The following RGMB variants were observed in gnomAD, a reference collection of about 807,000 sequenced individuals.
The protein encoded by RGMB is repulsive guidance molecule B.
RGMB carries 16 observed loss-of-function variants against 26.9 expected under a neutral mutation model. That is an observed-to-expected ratio of 0.60 (90% CI 0.40 to 0.90). The LOEUF is 0.90. Among genes scored for constraint, RGMB ranks in the 40% least tolerant of loss-of-function variants. The probability of loss-of-function intolerance (pLI) is 0.00; values close to 1 mark genes in which losing one functional copy is unlikely to be tolerated. For missense variants in RGMB, 512 were observed against 573.3 expected (o/e 0.89, Z 1.09); for synonymous variants, 225 against 229.3 (o/e 0.98, Z 0.17).
chr5:98,780,072 C>A lies in RGMB; in HGVS notation c.629C>A (p.Ala210Asp). The A allele has an allele frequency of 6.2e-7, 1 of 1,610,942 alleles. No homozygotes were observed. Among genetic ancestry groups the A allele is most frequent in the South Asian group, 1.1e-5 (1 of 90,972 alleles). Residue 210 changes from alanine (A) to aspartate (D), a missense_variant, in exon 2 of 3, where the codon GCT becomes GAT. Transcript: ENST00000513185. ...TNVPVVPGSS[A>D]TATNKITIIF... ...GTACCTGTGGTCCCTGGATCCAGTGCTACTGCTACAAATAAGGCAAGTATA... is the reference window on the plus strand; with the variant it reads ...GTACCTGTGGTCCCTGGATCCAGTGATACTGCTACAAATAAGGCAAGTATA...
chr5:98,777,989 C>A (rs974703269), intron 1 of RGMB, among the ~76,000 whole-genome samples: 2 of 152,168 alleles, frequency 1.3e-5, no homozygotes, highest in Admixed American at 1.3e-4. Context: ...TCTTCCCTCC[C>A]ATCATCTCTG....
Position 98,793,441 on chromosome 5 carries a change from A to T in RGMB, c.1002A>T (p.Gly334=), listed in dbSNP as rs775125485. The T allele has an allele frequency of 6.2e-7, 1 of 1,612,400 alleles. No homozygotes were observed. The highest frequency in any genetic ancestry group is 1.7e-4 in the Middle Eastern group (1 of 6,058). Residue 334 remains glycine (G), a synonymous_variant, in exon 3 of 3, where the codon GGA becomes GGT. Transcript: ENST00000513185. ...AGGGCCAGGTGTCTGCCATCCTGGG[A>T]CACAGCCTGCCTCGCACCTCCTTGG... ...DGQGQVSAIL[G]HSLPRTSLVQ...
chr5:98,796,350 C>G lies in RGMB; in HGVS notation c.*2597C>G, dbSNP rs1339173707. On this transcript the variant is annotated 3_prime_UTR_variant, in exon 3 of 3. Coordinates refer to ENST00000513185, the MANE Select transcript of RGMB (RefSeq NM_001366508.1). ...TGCTTGGAAGCTCCCCCCCCCCCAA[C>G]AGTGTGTCGAGTCTTTGCAAAGAAA... is the stretch of plus-strand genomic sequence containing the variant. The G allele has an allele frequency of 2.8e-5, 4 of 141,460 alleles. No homozygotes were observed. The highest frequency in any genetic ancestry group is 6.1e-5 in the Non-Finnish European group (4 of 65,346). The allele number at this position is 141,460 out of a possible 1,614,324, so 8.8% of individuals were successfully genotyped here.
At chr5:98,776,633 G>A (rs1037280560) in intron 1 of RGMB, among the ~76,000 whole-genome samples, 1 of 152,260 alleles carries the variant, frequency 6.6e-6, no homozygotes, top group African/African-American at 2.4e-5. Context: ...CAAGGCAGCT[G>A]AAAATGCTGA....
chr5:98,780,154 A>G (rs1580278544), intron 2 of RGMB, 66 bp downstream of exon 2: 1 of 1,473,630 alleles, frequency 6.8e-7, no homozygotes, highest in Non-Finnish European at 9.2e-7. Context: ...TCTTCAGATA[A>G]CTTTTGAAAT....
In RGMB at chr5:98,795,096, T is replaced by G. The variant is rs1214670324; in HGVS notation, c.*1343T>G. ...GAAATTCCTATAAAGTAAGATCTCC[T>G]TGCCTCTTCCATCCATTGTTGGCAC... is the stretch of plus-strand genomic sequence containing the variant. On this transcript the variant is annotated 3_prime_UTR_variant, in exon 3 of 3. Coordinates refer to ENST00000513185, the MANE Select transcript of RGMB (RefSeq NM_001366508.1). 1 of 152,208 alleles carries G rather than the reference T, an allele frequency of 6.6e-6. No homozygotes were observed. The highest frequency in any genetic ancestry group is 1.5e-5 in the Non-Finnish European group (1 of 68,046). The allele number at this position is 152,208 out of a possible 1,614,324, so 9.4% of individuals were successfully genotyped here.
At chr5:98,776,546 T>G (rs910675356) in intron 1 of RGMB, among the ~76,000 whole-genome samples, 1 of 152,150 alleles carries the variant, frequency 6.6e-6, no homozygotes, top group Non-Finnish European at 1.5e-5. Flanking sequence ...AGGCAAAGTG[T>G]GCGTTGTCGT....
intron 2 of RGMB, among the ~76,000 whole-genome samples, chr5:98,790,272 A>AC (rs1373194492): frequency 2.0e-5 from 3 of 151,920 alleles, no homozygotes; most frequent in African/African-American, 7.3e-5. Flanking sequence ...CAATCAATTC[A>AC]CCCCCCTCAG....
upstream of RGMB, chr5:98,773,364 G>A (rs948008259): frequency 6.5e-6 from 1 of 152,986 alleles, no homozygotes; most frequent in Non-Finnish European, 1.5e-5. Flanking sequence ...TGGGCGCGAG[G>A]AAACAGTAAA....
chr5:98,779,382 A>G (rs1746514608), intron 1 of RGMB, among the ~76,000 whole-genome samples, 198 bp from the exon 2 acceptor site: 1 of 152,250 alleles, frequency 6.6e-6, no homozygotes, highest in East Asian at 1.9e-4. Flanking sequence ...AACTAATTGC[A>G]TGCAGTTTTT....
At chr5:98,787,112 C>T (rs1342253085) in intron 2 of RGMB, among the ~76,000 whole-genome samples, 1 of 152,192 alleles carries the variant, frequency 6.6e-6, no homozygotes, top group Non-Finnish European at 1.5e-5. Flanking sequence ...TCCCCTCACC[C>T]TACCAAGGAA....
At position 98,793,289 on chromosome 5, in the gene RGMB, C is replaced by G; in HGVS notation, c.850C>G (p.Gln284Glu). The G allele has an allele frequency of 6.2e-7, 1 of 1,613,880 alleles. No homozygotes were observed. The highest frequency in any genetic ancestry group is 1.3e-5 in the African/African-American group (1 of 75,060). ...RYIGTTVFVRQVGRYLTLAIR... is the reference protein window; with the variant it reads ...RYIGTTVFVREVGRYLTLAIR... ...TATAGGGACCACAGTGTTTGTGCGG[C>G]AGGTGGGTCGCTACCTGACCCTTGC... Residue 284 changes from glutamine (Q) to glutamate (E), a missense_variant, in exon 3 of 3, where the codon CAG (glutamine) becomes GAG (glutamate). Physicochemically the swap from Gln to Glu is conservative, Grantham distance 29 (BLOSUM62 2). Transcript: ENST00000513185.
chr5:98,780,117 C>T, intron 2 of RGMB, 29 bp downstream of exon 2: 1 of 1,576,378 alleles, frequency 6.3e-7, no homozygotes, highest in Non-Finnish European at 8.6e-7. Context: ...TTCCCTCTCC[C>T]TACTCAACTT....
chr5:98,791,718 C>CT (rs796599054), intron 2 of RGMB, among the ~76,000 whole-genome samples: 5 of 152,168 alleles, frequency 3.3e-5, no homozygotes, highest in East Asian at 1.9e-4. Flanking sequence ...AAAATCTGGT[C>CT]TTTTTTTGTT....
In RGMB at chr5:98,795,994, C is replaced by G. The variant is rs899525056; in HGVS notation, c.*2241C>G. On this transcript the variant is annotated 3_prime_UTR_variant, in exon 3 of 3. Coordinates refer to ENST00000513185, the MANE Select transcript of RGMB (RefSeq NM_001366508.1). The stretch of plus-strand genomic sequence containing the variant: ...TGACATTTAAAAGCACCCTGCATCA[C>G]TAGTAATAGTGTATTTTGCTATTCT... 1.3e-5 allele frequency: 2 copies of G among 152,200 alleles called. No individual in the cohort carries two copies. The highest frequency in any genetic ancestry group is 4.8e-5 in the African/African-American group (2 of 41,436). The allele number at this position is 152,200 out of a possible 1,614,324, so 9.4% of individuals were successfully genotyped here. A position where few individuals can be genotyped will look rare whatever the true frequency, so the allele number is the denominator to read the frequency against.
chr5:98,788,671 A>G (rs1226663328), intron 2 of RGMB, among the ~76,000 whole-genome samples: 2 of 152,184 alleles, frequency 1.3e-5, no homozygotes, highest in African/African-American at 4.8e-5. Context: ...ACACTTCAGA[A>G]TTACCCTGGC....
chr5:98,783,491 CAT>C (rs1325193824), intron 2 of RGMB, among the ~76,000 whole-genome samples: 1 of 152,200 alleles, frequency 6.6e-6, no homozygotes, highest in Non-Finnish European at 1.5e-5. Context: ...AGAGAGGGCA[CAT>C]GTCAGTAGTT....
intron 2 of RGMB, among the ~76,000 whole-genome samples, chr5:98,790,268 A>G (rs1746887002): frequency 6.6e-6 from 1 of 152,188 alleles, no homozygotes; most frequent in Non-Finnish European, 1.5e-5. Context: ...TTTACAATCA[A>G]TTCACCCCCC....
intron 1 of RGMB, among the ~76,000 whole-genome samples, chr5:98,778,608 A>AT (rs1746492385): frequency 6.6e-6 from 1 of 152,152 alleles, no homozygotes; most frequent in African/African-American, 2.4e-5. Flanking sequence ...TGTTGTTTCC[A>AT]TTTTATGGAA....
Sources: allele counts gnomAD v4.1 joint callset (sites outside exome capture counted in the v4.1 genomes callset), GRCh38; gene constraint gnomAD v4.1.1; transcripts MANE v1.5; gene names NCBI Gene and HGNC (gene_info 2026-07-23, HGNC 2026-07-21).